GLDN: variants seen among roughly 807,000 people sequenced by gnomAD.
GLDN encodes gliomedin, also known as collomin.
In GLDN, 47 loss-of-function variants were observed where a neutral mutation model predicts 56.5. The ratio of observed to expected loss-of-function variants is 0.83; its 90% CI spans 0.66 to 1.06. GLDN has a LOEUF of 1.06. Among genes scored for constraint, GLDN ranks in the 50% least tolerant of loss-of-function variants. GLDN has a pLI of 0.00. For missense variants in GLDN, 782 were observed against 714.3 expected (o/e 1.09, Z -1.08); for synonymous variants, 332 against 278.8 (o/e 1.19, Z -1.90).
chr15:51,391,619 T>C (rs968421369), intron 4 of GLDN, among the ~76,000 whole-genome samples: 5 of 152,228 alleles, frequency 3.3e-5, no homozygotes, highest in Non-Finnish European at 5.9e-5. Flanking sequence ...AGGGCTCTTC[T>C]CAAGTGAGTG....
intron 1 of GLDN, among the ~76,000 whole-genome samples, chr15:51,353,794 TCAC>T (rs553882245): frequency 3.1e-5 from 4 of 129,630 alleles, no homozygotes; most frequent in South Asian, 2.7e-4. Context: ...TTCCTCAAAC[TCAC>T]CACCACCACC....
intron 2 of GLDN, among the ~76,000 whole-genome samples, chr15:51,381,208 C>G (rs114369521): frequency 6.6e-6 from 1 of 152,198 alleles, no homozygotes; most frequent in Non-Finnish European, 1.5e-5. Context: ...ACCAACAGTA[C>G]TGATGCATGG....
intron 1 of GLDN, among the ~76,000 whole-genome samples, chr15:51,376,501 A>T (rs1443315538): frequency 2.0e-5 from 3 of 152,230 alleles, no homozygotes; most frequent in Non-Finnish European, 4.4e-5. Context: ...TAGACTCTAT[A>T]AACACTGTAC....
chr15:51,400,523 A>G, intron 8 of GLDN, 25 bp downstream of exon 8: 5 of 1,608,208 alleles, frequency 3.1e-6, no homozygotes, highest in South Asian at 1.1e-5. Context: ...CCTATGACCC[A>G]TATCTGTGTG....
chr15:51,358,155 G>A (rs984574349), intron 1 of GLDN, among the ~76,000 whole-genome samples: 5 of 152,152 alleles, frequency 3.3e-5, no homozygotes, highest in Admixed American at 1.3e-4. Flanking sequence ...CTTATGGGCC[G>A]AAAACAATAT....
chr15:51,350,603 A>G (rs1052368335), intron 1 of GLDN, among the ~76,000 whole-genome samples: 1 of 152,180 alleles, frequency 6.6e-6, no homozygotes, highest in Admixed American at 6.5e-5. Flanking sequence ...GCTTGCAGCC[A>G]TATCTCTGCT....
At chr15:51,384,268 C>T (rs1175649635) in intron 4 of GLDN, 1 of 262,620 alleles carries the variant, frequency 3.8e-6, no homozygotes, top group Non-Finnish European at 7.2e-6. Context: ...ATTGCCTCCT[C>T]CTGCCCAGCG....
rs866206396 is a variant in GLDN at position 51,342,143 on chromosome 15, C to T, written c.363+96C>T. The T allele has an allele frequency of 2.3e-5, 31 of 1,342,452 alleles. No homozygotes were observed. In the Middle Eastern group the frequency reaches 2.6e-3, roughly 112 times the overall value. The allele number at this position is 1,342,452 out of a possible 1,614,324, so 83.2% of individuals were successfully genotyped here. A position where few individuals can be genotyped will look rare whatever the true frequency, so the allele number is the denominator to read the frequency against. On this transcript the variant is annotated intron_variant, in intron 1 of 9. Coordinates refer to ENST00000335449, the MANE Select transcript of GLDN (RefSeq NM_181789.4). Reference sequence around the variant, plus strand: ...GACGCCCTCTTCTCCCCTGGCCAGGCTGCGAGGTGCTGCGGAGAGGGCTGT... The same window carrying T: ...GACGCCCTCTTCTCCCCTGGCCAGGTTGCGAGGTGCTGCGGAGAGGGCTGT...
At chr15:51,349,946 T>C (rs899673393) in intron 1 of GLDN, among the ~76,000 whole-genome samples, 1 of 152,130 alleles carries the variant, frequency 6.6e-6, no homozygotes, top group African/African-American at 2.4e-5. Context: ...GGTTTCACCG[T>C]GTTAGCCAGG....
chr15:51,406,862 T>C lies in GLDN; in HGVS notation c.*2108T>C, dbSNP rs2038394386. 6.6e-6 allele frequency: 1 copy of C among 152,256 alleles called. No homozygotes were observed. Among genetic ancestry groups the C allele is most frequent in the African/African-American group, 2.4e-5 (1 of 41,466 alleles). 9.4% of individuals were successfully genotyped at this position (152,256 alleles called of 1,614,324 possible). A position where few individuals can be genotyped will look rare whatever the true frequency, so the allele number is the denominator to read the frequency against. ...TCACGTTCTCTAACAAAGAGTCTCA[T>C]GTTCAAGATCAATATGTCTAATAAG... On this transcript the variant is annotated 3_prime_UTR_variant, in exon 10 of 10. Transcript: ENST00000335449.
intron 1 of GLDN, among the ~76,000 whole-genome samples, chr15:51,344,905 T>G (rs1336207539): frequency 6.6e-6 from 1 of 152,212 alleles, no homozygotes; most frequent in Admixed American, 6.5e-5. Context: ...AAGATAATTA[T>G]TAAGTACAGT....
At chr15:51,353,622 A>G (rs12592133) in intron 1 of GLDN, among the ~76,000 whole-genome samples, 9,439 of 150,276 alleles carry the variant, frequency 0.063, 496 homozygotes, top group East Asian at 0.29. Flanking sequence ...AAAAACAGGT[A>G]GAGAAAGAAC....
chr15:51,410,479 G>C (rs1206269022), downstream of GLDN, among the ~76,000 whole-genome samples: 1 of 152,152 alleles, frequency 6.6e-6, no homozygotes, highest in Non-Finnish European at 1.5e-5. Context: ...ACTCTAAAGA[G>C]CAATTCTAGT....
chr15:51,367,628 T>A (rs926237059), intron 1 of GLDN, among the ~76,000 whole-genome samples: 1 of 152,214 alleles, frequency 6.6e-6, no homozygotes, highest in Non-Finnish European at 1.5e-5. Context: ...GAATAAGCCC[T>A]ACCCCTTGAA....
In GLDN at chr15:51,400,226, G is replaced by T. The variant is rs978280466; in HGVS notation, c.852G>T (p.Leu284Phe). The T allele has an allele frequency of 6.2e-7, 1 of 1,614,150 alleles. No homozygotes were observed. Among genetic ancestry groups the T allele is most frequent in the Non-Finnish European group, 8.5e-7 (1 of 1,180,016 alleles). Reference sequence around the variant, plus strand: ...GTGCCATACCAAATGATGATACCTTGGTTGGAAAAGCTGATGAGAAAGCCA... The same window carrying T: ...GTGCCATACCAAATGATGATACCTTTGTTGGAAAAGCTGATGAGAAAGCCA... The part of the protein sequence containing the change: ...ETCAIPNDDT[L>F]VGKADEKASE... The change falls in exon 7 of 10, where the codon TTG (leucine) becomes TTT (phenylalanine). Residue 284 changes from leucine (L) to phenylalanine (F), a missense_variant. Physicochemically the swap from Leu to Phe is conservative, Grantham distance 22. Coordinates refer to ENST00000335449, the MANE Select transcript of GLDN (RefSeq NM_181789.4).
intron 1 of GLDN, among the ~76,000 whole-genome samples, chr15:51,371,089 C>T (rs557805723): frequency 6.6e-6 from 1 of 152,120 alleles, no homozygotes; most frequent in Non-Finnish European, 1.5e-5. Context: ...GTTTCATGAA[C>T]CTCCCAGCTT....
intron 1 of GLDN, among the ~76,000 whole-genome samples, chr15:51,364,123 A>T (rs60420999): frequency 0.12 from 17,981 of 152,050 alleles, 2,028 homozygotes; most frequent in African/African-American, 0.29. Flanking sequence ...TTATAGTTTT[A>T]ATTGAATTTT....
chr15:51,354,942 T>C (rs1408798826), intron 1 of GLDN, among the ~76,000 whole-genome samples: 3 of 152,202 alleles, frequency 2.0e-5, no homozygotes, highest in South Asian at 2.1e-4. Context: ...AATTCACGTA[T>C]GGCTAAGATA....
chr15:51,368,563 G>A (rs1007729046), intron 1 of GLDN, among the ~76,000 whole-genome samples: 3 of 150,942 alleles, frequency 2.0e-5, no homozygotes, highest in Non-Finnish European at 4.4e-5. Context: ...TTTCACTGTC[G>A]TGTTTCCAAG....
Sources: gnomAD v4.1 joint callset for allele counts (sites outside exome capture counted in the v4.1 genomes callset) on GRCh38, gnomAD v4.1.1 for gene constraint, MANE v1.5 for transcripts, NCBI Gene and HGNC (gene_info 2026-07-23, HGNC 2026-07-21) for gene names.